The following AKAP19 variants were observed in gnomAD, a reference collection of about 807,000 sequenced individuals.
AKAP19 encodes the protein small A-kinase anchoring protein.
the AKAP19 span, among the ~76,000 whole-genome samples, chr2:190,160,829 G>T: frequency 6.6e-6 from 1 of 152,060 alleles, no homozygotes; most frequent in Non-Finnish European, 1.5e-5. Context: ...TATAAGAATT[G>T]CATGGATAAG....
the AKAP19 span, among the ~76,000 whole-genome samples, chr2:189,987,406 T>C: frequency 6.6e-6 from 1 of 152,212 alleles, no homozygotes; most frequent in Admixed American, 6.5e-5. Flanking sequence ...GAAAATGGAC[T>C]AATATACCTA....
the AKAP19 span, among the ~76,000 whole-genome samples, chr2:189,943,930 T>C: frequency 6.6e-6 from 1 of 152,244 alleles, no homozygotes; most frequent in Non-Finnish European, 1.5e-5. Context: ...TACCTCCGAT[T>C]GTATCTTGAA....
At chr2:190,142,623 A>G in the AKAP19 span, among the ~76,000 whole-genome samples, 1 of 152,266 alleles carries the variant, frequency 6.6e-6, no homozygotes, top group Admixed American at 6.5e-5. Flanking sequence ...AGGCCTCCAC[A>G]GTGGTAAGAA....
chr2:189,891,921 T>C, the AKAP19 span, among the ~76,000 whole-genome samples: 2 of 152,102 alleles, frequency 1.3e-5, no homozygotes, highest in Non-Finnish European at 2.9e-5. Context: ...CTTGGAGGTT[T>C]TGTTCATTCC....
chr2:190,181,330 G>C, the AKAP19 span: 1 of 192,510 alleles, frequency 5.2e-6, no homozygotes, highest in Admixed American at 6.5e-5. Flanking sequence ...TTTTGTTCTG[G>C]GCTTCCCAGT....
the AKAP19 span, among the ~76,000 whole-genome samples, chr2:189,908,394 A>C: frequency 6.6e-6 from 1 of 151,992 alleles, no homozygotes; most frequent in Non-Finnish European, 1.5e-5. Flanking sequence ...ATGGGGTTTC[A>C]TCACGTTGGC....
the AKAP19 span, among the ~76,000 whole-genome samples, chr2:190,100,186 T>G: frequency 6.6e-6 from 1 of 152,148 alleles, no homozygotes; most frequent in African/African-American, 2.4e-5. Flanking sequence ...TCAGCCCAGT[T>G]AAGCAACAAG....
chr2:189,950,448 C>G, the AKAP19 span, among the ~76,000 whole-genome samples: 1 of 149,866 alleles, frequency 6.7e-6, no homozygotes, highest in African/African-American at 2.5e-5. Flanking sequence ...TGTGAAGAGT[C>G]AATTAGGATT....
the AKAP19 span, among the ~76,000 whole-genome samples, chr2:190,029,361 G>A: frequency 2.0e-5 from 3 of 151,876 alleles, no homozygotes; most frequent in African/African-American, 7.3e-5. Flanking sequence ...CACATGTAGG[G>A]ATGTTTATGG....
chr2:189,956,570 C>T, the AKAP19 span, among the ~76,000 whole-genome samples: 1 of 151,968 alleles, frequency 6.6e-6, no homozygotes, highest in Non-Finnish European at 1.5e-5. Flanking sequence ...ACATCATATA[C>T]ATATAAGAAC....
At chr2:190,057,387 T>G in the AKAP19 span, 1 of 1,613,686 alleles carries the variant, frequency 6.2e-7, no homozygotes, top group South Asian at 1.1e-5. Context: ...CTGCTGAACC[T>G]CTGGGGTTTG....
the AKAP19 span, among the ~76,000 whole-genome samples, chr2:190,184,495 C>A: frequency 6.6e-6 from 1 of 152,142 alleles, no homozygotes. Context: ...ATGTAGAGAA[C>A]TGTTCTGTAC....
the AKAP19 span, among the ~76,000 whole-genome samples, chr2:190,192,955 A>G: frequency 6.6e-6 from 1 of 152,100 alleles, no homozygotes; most frequent in African/African-American, 2.4e-5. Context: ...TCATCTGCAA[A>G]TAATGGCAGT....
At chr2:190,201,114 TGAG>T in the AKAP19 span, 1 of 167,048 alleles carries the variant, frequency 6.0e-6, no homozygotes, top group Non-Finnish European at 1.5e-5. Context: ...AACTGTCCTT[TGAG>T]GAGAGTACTC....
chr2:190,197,306 G>GA, the AKAP19 span, among the ~76,000 whole-genome samples: 3 of 152,232 alleles, frequency 2.0e-5, no homozygotes, highest in African/African-American at 7.2e-5. This position sits in a 1 kb window ranked among gnomAD's most constrained non-coding sequence, Gnocchi z 4.0. Flanking sequence ...AACTAAATAC[G>GA]AAAGTGTTCA....
the AKAP19 span, among the ~76,000 whole-genome samples, chr2:190,048,794 C>T: frequency 2.2e-4 from 34 of 152,222 alleles, no homozygotes; most frequent in African/African-American, 8.2e-4. Flanking sequence ...CATCATTCTA[C>T]ATTTTATATC....
At chr2:190,046,199 A>G in the AKAP19 span, among the ~76,000 whole-genome samples, 746 of 152,212 alleles carry the variant, frequency 4.9e-3, 5 homozygotes, top group African/African-American at 0.017. Flanking sequence ...GTTCCCCTCC[A>G]GGAGAGTCAT....
At chr2:190,153,191 G>T in the AKAP19 span, among the ~76,000 whole-genome samples, 3 of 152,090 alleles carry the variant, frequency 2.0e-5, no homozygotes, top group African/African-American at 7.2e-5. Flanking sequence ...CACCGTGCCC[G>T]GCCACTTGCC....
chr2:189,940,528 G>A, the AKAP19 span, among the ~76,000 whole-genome samples: 2 of 152,154 alleles, frequency 1.3e-5, no homozygotes, highest in Non-Finnish European at 2.9e-5. Flanking sequence ...CAAAGACCAG[G>A]TTTAAGAATT....
Sources: allele counts gnomAD v4.1 joint callset (sites outside exome capture counted in the v4.1 genomes callset), GRCh38; gene constraint gnomAD v4.1.1; non-coding constraint Gnocchi (gnomAD v3.1); transcripts MANE v1.5; gene names NCBI Gene and HGNC (gene_info 2026-07-23, HGNC 2026-07-21).